AATK: variants seen among roughly 807,000 people sequenced by gnomAD.
AATK encodes lemur tail kinase 1, also known as serine/threonine-protein kinase LMTK1.
In AATK, 91 loss-of-function variants were observed where a neutral mutation model predicts 114.3. The ratio of observed to expected loss-of-function variants is 0.80; its 90% CI spans 0.67 to 0.95. The LOEUF (loss-of-function observed/expected upper bound fraction) is 0.95. Among genes scored for constraint, AATK ranks in the 40% least tolerant of loss-of-function variants. The pLI, the probability that AATK is intolerant of heterozygous loss-of-function variation, is 0.00. For missense variants in AATK, 2,176 were observed against 1,965.2 expected, an observed-to-expected ratio of 1.11 and a Z score of -2.03; for synonymous variants, 1,075 against 916.5, an observed-to-expected ratio of 1.17 and a Z score of -3.12.
intron 1 of AATK, among the ~76,000 whole-genome samples, chr17:81,155,040 G>C (rs1231457118): frequency 6.6e-6 from 1 of 152,232 alleles, no homozygotes; most frequent in Non-Finnish European, 1.5e-5. Context: ...GGAGACCTTT[G>C]GAGGGTTCTC....
Position 81,134,519 on chromosome 17 carries a change from G to GGT in AATK, c.56-20_56-19dup. On this transcript the variant is annotated intron_variant, in intron 1 of 13. Transcript: ENST00000326724. ...GGCGCCGTCTGCGGGAGAGCAGTGTGGTGAGAGTGGCCATGGCTGAGGGCC... is the reference window on the plus strand; with the variant it reads ...GGCGCCGTCTGCGGGAGAGCAGTGTGGTGTGAGAGTGGCCATGGCTGAGGGCC... 2 of 1,606,172 alleles carry GGT rather than the reference G, an allele frequency of 1.2e-6. No homozygotes were observed. Among genetic ancestry groups the GGT allele is most frequent in the Non-Finnish European group, 1.7e-6 (2 of 1,177,014 alleles).
chr17:81,149,950 A>AT (rs1461043776), intron 1 of AATK, among the ~76,000 whole-genome samples: 1 of 152,018 alleles, frequency 6.6e-6, no homozygotes, highest in African/African-American at 2.4e-5. Flanking sequence ...GAGGGCCATG[A>AT]TTTTTTTAAT....
At chr17:81,151,393 T>C (rs1238665010) in intron 1 of AATK, among the ~76,000 whole-genome samples, 2 of 94,252 alleles carry the variant, frequency 2.1e-5, no homozygotes, top group African/African-American at 3.4e-5. Flanking sequence ...AACTTTTCTA[T>C]GACGCAAGGC....
In AATK at chr17:81,120,409, C is replaced by T; in HGVS notation, c.3527G>A (p.Arg1176His). 1 of 1,593,574 alleles carries T rather than the reference C, an allele frequency of 6.3e-7. No homozygotes were observed. The highest frequency in any genetic ancestry group is 8.6e-7 in the Non-Finnish European group (1 of 1,168,270). Residue 1176 changes from arginine to histidine, a missense_variant, in exon 11 of 14, where the codon CGC becomes CAC. By Grantham distance (29) the Arg-to-His change is conservative. This residue lies in a region of AATK where 1,701 missense variants were observed against 1,394.7 expected (regional missense o/e 1.22). Transcript: ENST00000326724. ...EDSDESDEEL[R>H]CYSVQEPSED... ...GCTAGGCTCCTGGACGCTGTAGCAG[C>T]GGAGCTCCTCGTCAGACTCGTCGCT...
At chr17:81,145,282 C>T (rs976254370) in intron 1 of AATK, among the ~76,000 whole-genome samples, 10 of 151,420 alleles carry the variant, frequency 6.6e-5, no homozygotes, top group Non-Finnish European at 1.0e-4. Flanking sequence ...AAAAAATAGC[C>T]TGACTGCATA....
At chr17:81,155,705 T>C (rs934382073) in intron 1 of AATK, among the ~76,000 whole-genome samples, 1 of 151,006 alleles carries the variant, frequency 6.6e-6, no homozygotes, top group Non-Finnish European at 1.5e-5. Context: ...TTTTTTTTTT[T>C]AATAAGGTCT....
intron 1 of AATK, among the ~76,000 whole-genome samples, chr17:81,141,937 TTCCTTCCTTCCTTCCTTTCC>T (rs1322651396): frequency 1.1e-4 from 6 of 54,304 alleles, no homozygotes; most frequent in East Asian, 6.5e-4. Context: ...CCTTCCTTCC[TTCCTTCCTTCCTTCCTTTCC>T]TTCCTTCCTT....
Position 81,122,488 on chromosome 17 carries a change from G to T in AATK, c.1448C>A (p.Ala483Glu). 1 of 1,458,688 alleles carries T rather than the reference G, an allele frequency of 6.9e-7. No individual in the cohort carries two copies. Among genetic ancestry groups the T allele is most frequent in the Non-Finnish European group, 9.1e-7 (1 of 1,100,612 alleles). 90.4% of individuals were successfully genotyped at this position (1,458,688 alleles called of 1,614,324 possible). A position where few individuals can be genotyped will look rare whatever the true frequency, so the allele number is the denominator to read the frequency against. The part of the protein sequence containing the change: ...RGLNFEYKWE[A>E]GRGAEAFPAT... ...CGGGAAGGCCTCCGCGCCGCGGCCCGCCTCCCACTTGTACTCAAAATTGAG... is the reference window on the plus strand; with the variant it reads ...CGGGAAGGCCTCCGCGCCGCGGCCCTCCTCCCACTTGTACTCAAAATTGAG... The change falls in exon 11 of 14, where the codon GCG becomes GAG. Residue 483 changes from alanine (A) to glutamate (E), a missense_variant. Transcript: ENST00000326724.
rs147151692 is a variant in AATK at position 81,137,109 on chromosome 17, T to A, written c.56-2608A>T. Among the ~76,000 whole-genome samples, 1,445 of 151,894 alleles carry A rather than the reference T, an allele frequency of 9.5e-3. 31 individuals are homozygous for A. The highest frequency in any genetic ancestry group is 0.033 in the African/African-American group (1,360 of 41,398). On this transcript the variant is annotated intron_variant, in intron 1 of 13. Transcript: ENST00000326724. ...CCCATCTCTACTAAAAATAAAAAAATTAGCTGGGTGTGGTGGCACAAGCCT... is the reference window on the plus strand; with the variant it reads ...CCCATCTCTACTAAAAATAAAAAAAATAGCTGGGTGTGGTGGCACAAGCCT...
intron 1 of AATK, among the ~76,000 whole-genome samples, chr17:81,152,640 C>G (rs775299453): frequency 3.3e-5 from 5 of 152,136 alleles, no homozygotes; most frequent in Non-Finnish European, 7.3e-5. Context: ...AGAATTCAAC[C>G]AGGTCAGCAA....
Position 81,166,107 on chromosome 17 carries a change from C to T in AATK, c.-115G>A. The stretch of plus-strand genomic sequence containing the variant: ...CCGCCGCAGGTGCGGAGCGCGCCGG[C>T]CCCCGCGCCCCGCGCCCCCCGCCGC... On this transcript the variant is annotated 5_prime_UTR_variant, in exon 1 of 14. Transcript: ENST00000326724. 3 of 537,494 alleles carry T rather than the reference C, an allele frequency of 5.6e-6. No homozygotes were observed. The highest frequency in any genetic ancestry group is 7.5e-5 in the South Asian group (1 of 13,408). The allele number at this position is 537,494 out of a possible 1,614,324, so 33.3% of individuals were successfully genotyped here.
chr17:81,128,145 TC>T (rs2060874867), intron 4 of AATK, among the ~76,000 whole-genome samples: 1 of 48,788 alleles, frequency 2.0e-5, no homozygotes, highest in Non-Finnish European at 3.7e-5. Context: ...CCCGCTGCCC[TC>T]TCTCTCTCTC....
At chr17:81,161,519 C>T (rs2061429265) in intron 1 of AATK, among the ~76,000 whole-genome samples, 1 of 152,180 alleles carries the variant, frequency 6.6e-6, no homozygotes, top group Admixed American at 6.5e-5. Flanking sequence ...TCAGCACATG[C>T]CTCCAGGGGG....
In AATK at chr17:81,121,852, G is replaced by C. The variant is rs746483226; in HGVS notation, c.2084C>G (p.Ser695Cys). 1.9e-6 allele frequency: 3 copies of C among 1,597,038 alleles called. No individual in the cohort carries two copies. In the East Asian group the frequency reaches 6.7e-5, roughly 36 times the overall value. The change falls in exon 11 of 14, where the codon TCC becomes TGC. Residue 695 changes from serine (S) to cysteine (C), a missense_variant. Around this residue, in one of 4 missense-constraint regions of AATK, gnomAD observed 1,701 missense variants for 1,394.7 expected, o/e 1.22. Coordinates refer to ENST00000326724, the MANE Select transcript of AATK (RefSeq NM_001080395.3). ...GCCGCCCGCAGAGACGGGGTCCCAG[G>C]ACTCTGGACAGCGGCTGCCGCTGTT... ...NNNSGSRCPE[S>C]WDPVSAGGHA... is the part of the protein sequence containing the mutation.
At chr17:81,131,759 C>T (rs938714533) in intron 2 of AATK, 104 of 1,200,884 alleles carry the variant, frequency 8.7e-5, no homozygotes, top group African/African-American at 1.1e-4. Context: ...GGCGCAGCTT[C>T]GGGGACAGGA....
chr17:81,151,923 T>C (rs4969409), intron 1 of AATK, among the ~76,000 whole-genome samples: 44,426 of 152,020 alleles, frequency 0.29, 7,682 homozygotes, highest in Admixed American at 0.4. Flanking sequence ...CCCACCAAAT[T>C]ATTCAATCAC....
At chr17:81,119,861 G>T (rs1265938360) in intron 12 of AATK, 75 bp downstream of exon 12, 34 of 1,385,306 alleles carry the variant, frequency 2.5e-5, no homozygotes, top group Non-Finnish European at 3.1e-5. Context: ...TCACACATTA[G>T]GCCCCGCCTC....
rs2146267254 is a variant in AATK, at chr17:81,118,448, A to G, written c.4085-6T>C. On this transcript the variant is annotated splice_polypyrimidine_tract_variant and splice_region_variant and intron_variant, in intron 13 of 13. Coordinates refer to ENST00000326724, the MANE Select transcript of AATK (RefSeq NM_001080395.3). ...CCCGGCACCAGCTTCAGGTCCTGGC[A>G]AGCAGGACAACAAAGTGAACACAGG... The G allele has an allele frequency of 6.2e-7, 1 of 1,605,724 alleles. No individual in the cohort carries two copies. The highest frequency in any genetic ancestry group is 2.2e-5 in the East Asian group (1 of 44,470).
At chr17:81,118,541 G>C in intron 13 of AATK, 99 bp from the exon 14 acceptor site, 1 of 1,283,832 alleles carries the variant, frequency 7.8e-7, no homozygotes, top group Non-Finnish European at 1.1e-6. Context: ...CCACATACAG[G>C]CCGGGCCCCT....
Sources: allele counts gnomAD v4.1 joint callset (sites outside exome capture counted in the v4.1 genomes callset), GRCh38; gene constraint gnomAD v4.1.1; regional missense constraint gnomAD v4.1.1; transcripts MANE v1.5; gene names NCBI Gene and HGNC (gene_info 2026-07-23, HGNC 2026-07-21).